CDC42BPG: variants seen among roughly 807,000 people sequenced by gnomAD.
CDC42BPG encodes the protein serine/threonine-protein kinase MRCK gamma.
In CDC42BPG, 157 loss-of-function variants were observed where a neutral mutation model predicts 192.2. The ratio of observed to expected loss-of-function variants is 0.82; its 90% CI spans 0.72 to 0.93. The LOEUF is 0.93. CDC42BPG is among the 40% of genes least tolerant of loss of function. The pLI, the probability that CDC42BPG is intolerant of heterozygous loss-of-function variation, is 0.00. For missense variants in CDC42BPG, 1,992 were observed against 2,122.1 expected, an observed-to-expected ratio of 0.94 and a Z score of 1.20; for synonymous variants, 981 against 918.5, an observed-to-expected ratio of 1.07 and a Z score of -1.23.
Position 64,835,518 on chromosome 11 carries a change from T to G in CDC42BPG, c.1862A>C (p.Glu621Ala), listed in dbSNP as rs1344066362. The change falls in exon 15 of 37, where the codon GAG becomes GCG. Residue 621 changes from glutamate to alanine, a missense_variant. By Grantham distance (107) the Glu-to-Ala change is moderately radical. Transcript: ENST00000342711. ...KEVAALREQLEQAHSHRPSGK... is the reference protein window; with the variant it reads ...KEVAALREQLAQAHSHRPSGK... Reference sequence around the variant, plus strand: ...GGCTCACCTGTGGCTGTGGGCCTGCTCCAGCTGCTCTCGCAGGGCGGCCAC... The same window carrying G: ...GGCTCACCTGTGGCTGTGGGCCTGCGCCAGCTGCTCTCGCAGGGCGGCCAC... 6.3e-7 allele frequency: 1 copy of G among 1,598,348 alleles called. No homozygotes were observed. Among genetic ancestry groups the G allele is most frequent in the African/African-American group, 1.3e-5 (1 of 74,786 alleles).
chr11:64,826,629 G>T, intron 35 of CDC42BPG, 42 bp downstream of exon 35: 1 of 1,586,378 alleles, frequency 6.3e-7, no homozygotes, highest in Non-Finnish European at 8.6e-7. Context: ...TAGAAACTTG[G>T]GGTGGGGGGT....
rs559419981 is a variant in CDC42BPG, at chr11:64,834,543, A to C, written c.2210T>G (p.Met737Arg). ...CAGCTCCAGCCTGGCCGAGGCCTCC[A>C]TCTTCTGCAGTCGCCGCGCCTTCCA... Reference protein sequence around the residue: ...HQWKARRLQKMEASARLELQS... With the variant: ...HQWKARRLQKREASARLELQS... The change falls in exon 19 of 37, where the codon ATG becomes AGG. Residue 737 changes from methionine to arginine, a missense_variant. Met to Arg is a moderately conservative substitution (Grantham distance 91). Transcript: ENST00000342711. 1 of 1,586,860 alleles carries C rather than the reference A, an allele frequency of 6.3e-7. No homozygotes were observed. Among genetic ancestry groups the C allele is most frequent in the South Asian group, 1.1e-5 (1 of 88,628 alleles).
chr11:64,835,027 G>T lies in CDC42BPG; in HGVS notation c.2060+20C>A. 3.8e-6 allele frequency: 2 copies of T among 526,710 alleles called. No homozygotes were observed. 32.6% of individuals were successfully genotyped at this position (526,710 alleles called of 1,614,324 possible). ...CAGTCTCGCCTGCGTTCCCCACCCC[G>T]ACCCACCCCTGGCACCCACCAGCTG... On this transcript the variant is annotated intron_variant, in intron 17 of 36. Transcript: ENST00000342711.
rs764628281 is a variant in CDC42BPG, at chr11:64,829,720, C to T, written c.3718G>A (p.Val1240Met). The T allele has an allele frequency of 1.9e-6, 3 of 1,609,954 alleles. No homozygotes were observed. The highest frequency in any genetic ancestry group is 2.5e-6 in the Non-Finnish European group (3 of 1,178,814). Residue 1240 changes from valine to methionine, a missense_variant, in exon 30 of 37, where the codon GTG becomes ATG. Around this residue, in one of 2 missense-constraint regions of CDC42BPG, gnomAD observed 1,656 missense variants for 1,844.3 expected, o/e 0.90. Transcript: ENST00000342711. ...SLGLLGDRLCVGAAGGFALYP... is the reference protein window; with the variant it reads ...SLGLLGDRLCMGAAGGFALYP... ...AGTGCAAAGCCACCGGCGGCGCCCA[C>T]ACATAGCCGGTCGCCCAGCAGCCCC... is the stretch of plus-strand genomic sequence containing the variant.
At position 64,829,689 on chromosome 11, in the gene CDC42BPG, G is replaced by C. The variant is rs776399269; in HGVS notation, c.3749C>G (p.Pro1250Arg). Residue 1250 changes from proline (P) to arginine (R), a missense_variant, in exon 30 of 37, where the codon CCG (proline) becomes CGG (arginine). Transcript: ENST00000342711. The stretch of plus-strand genomic sequence containing the variant: ...CAACGGCGCAGCCTCGTTGAGCAGC[G>C]GGTAGAGTGCAAAGCCACCGGCGGC... ...VGAAGGFALY[P>R]LLNEAAPLAL... 6.8e-6 allele frequency: 11 copies of C among 1,611,576 alleles called. No individual in the cohort carries two copies. The highest frequency in any genetic ancestry group is 7.6e-6 in the Non-Finnish European group (9 of 1,179,444).
Position 64,833,914 on chromosome 11 carries a change from C to T in CDC42BPG, c.2466+11G>A. The T allele has an allele frequency of 2.5e-6, 4 of 1,614,246 alleles. No individual in the cohort carries two copies. Among genetic ancestry groups the T allele is most frequent in the Non-Finnish European group, 3.4e-6 (4 of 1,180,036 alleles). On this transcript the variant is annotated intron_variant, in intron 21 of 36. Coordinates refer to ENST00000342711, the MANE Select transcript of CDC42BPG (RefSeq NM_017525.3). ...ACTTCTCCCCAACAAGCCCCTTGGC[C>T]TGGTCCTTACCTCTGAGCTCCGGAA... is the stretch of plus-strand genomic sequence containing the variant.
In CDC42BPG at chr11:64,835,349, G is replaced by A. The variant is rs1015957428; in HGVS notation, c.1951C>T (p.Arg651Trp). 1.5e-5 allele frequency: 25 copies of A among 1,613,924 alleles called. No individual in the cohort carries two copies. The highest frequency in any genetic ancestry group is 5.0e-5 in the Admixed American group (3 of 60,018). The stretch of plus-strand genomic sequence containing the variant: ...TCCGTCTGTTGTACCCTGCTCACCC[G>A]CTCCTGCTCCCGGCTCAGCCTCCGG... ...ENRRLSREQE[R>W]LEAELAQEQE... The change falls in exon 16 of 37, where the codon CGG becomes TGG. Residue 651 changes from arginine (R) to tryptophan (W), a missense_variant and splice_region_variant. Transcript: ENST00000342711.
At position 64,830,033 on chromosome 11, in the gene CDC42BPG, C is replaced by T. The variant is rs1241307343; in HGVS notation, c.3405G>A (p.Gln1135=). The T allele has an allele frequency of 6.2e-7, 1 of 1,612,382 alleles. No homozygotes were observed. The highest frequency in any genetic ancestry group is 8.5e-7 in the Non-Finnish European group (1 of 1,179,342). Reference sequence around the variant, plus strand: ...GGCCTGCACTGGGGCTCAAGGTCAGCTGCTGCACGCGCCGGCACTCCCCCA... The same window carrying T: ...GGCCTGCACTGGGGCTCAAGGTCAGTTGCTGCACGCGCCGGCACTCCCCCA... ...FQVGECRRVQ[Q]LTLSPSAGLL... Residue 1135 remains glutamine (Q), a synonymous_variant, in exon 30 of 37, where the codon CAG becomes CAA. Coordinates refer to ENST00000342711, the MANE Select transcript of CDC42BPG (RefSeq NM_017525.3).
Position 64,838,165 on chromosome 11 carries a change from G to A in CDC42BPG, c.1126-3C>T. The A allele has an allele frequency of 1.3e-6, 2 of 1,550,890 alleles. No homozygotes were observed. The highest frequency in any genetic ancestry group is 1.4e-5 in the African/African-American group (1 of 73,290). On this transcript the variant is annotated splice_region_variant and splice_polypyrimidine_tract_variant and intron_variant, in intron 8 of 36. Transcript: ENST00000342711. ...TGGGAGGGCGGTGGCAGGGTCCCCT[G>A]CAGAGGGAGAGGGAAGGAGAGTCAG...
chr11:64,841,191 G>A (rs1448537463), intron 3 of CDC42BPG, among the ~76,000 whole-genome samples: 3 of 151,682 alleles, frequency 2.0e-5, no homozygotes, highest in African/African-American at 7.3e-5. Context: ...GGTGGTTCAC[G>A]CCTGTAATCC....
At chr11:64,841,347 G>A (rs1342144258) in intron 3 of CDC42BPG, among the ~76,000 whole-genome samples, 1 of 151,870 alleles carries the variant, frequency 6.6e-6, no homozygotes, top group Non-Finnish European at 1.5e-5. Flanking sequence ...CAGCTACTCG[G>A]GAGGCTGAGG....
intron 1 of CDC42BPG, 89 bp downstream of exon 1, chr11:64,844,321 G>T: frequency 8.3e-7 from 1 of 1,210,328 alleles, no homozygotes. Context: ...CCGTGGGGGT[G>T]CGGGTCCCTG....
rs1443540532 is a variant in CDC42BPG at position 64,835,746 on chromosome 11, G to A, written c.1758+16C>T. 1.2e-6 allele frequency: 2 copies of A among 1,613,184 alleles called. No individual in the cohort carries two copies. The highest frequency in any genetic ancestry group is 1.7e-6 in the Non-Finnish European group (2 of 1,179,624). ...GGTGGGGAAGCACCTCTTGCCAAGG[G>A]GGAGGACTTGACTACCTTGGCCTGG... On this transcript the variant is annotated intron_variant, in intron 14 of 36. Coordinates refer to ENST00000342711, the MANE Select transcript of CDC42BPG (RefSeq NM_017525.3).
rs1196332105 is a variant in CDC42BPG at position 64,833,785 on chromosome 11, C to T, written c.2518G>A (p.Gly840Arg). The change falls in exon 22 of 37, where the codon GGA becomes AGA. Residue 840 changes from glycine (G) to arginine (R), a missense_variant. By Grantham distance (125) the Gly-to-Arg change is moderately radical. Around this residue, in one of 2 missense-constraint regions of CDC42BPG, gnomAD observed 1,656 missense variants for 1,844.3 expected, o/e 0.90. Transcript: ENST00000342711. Reference protein sequence around the residue: ...GISGEATRHGGEPDLRPEGRR... With the variant: ...GISGEATRHGREPDLRPEGRR... ...CCCTCCGGCCTCAGATCTGGCTCTC[C>T]TCCATGCCTTGTGGCCTCTCCTGAG... The T allele has an allele frequency of 1.2e-6, 2 of 1,614,132 alleles. No individual in the cohort carries two copies. The highest frequency in any genetic ancestry group is 1.7e-6 in the Non-Finnish European group (2 of 1,180,052).
intron 9 of CDC42BPG, 102 bp from the exon 10 acceptor site, chr11:64,837,121 A>G: frequency 2.9e-6 from 3 of 1,028,310 alleles, no homozygotes; most frequent in South Asian, 2.6e-5. Context: ...AAACAGCCAA[A>G]ACAGACCCTG....
At chr11:64,833,701 G>C (rs1222150067) in intron 22 of CDC42BPG, 37 bp downstream of exon 22, 1 of 1,613,050 alleles carries the variant, frequency 6.2e-7, no homozygotes, top group Admixed American at 1.7e-5. Flanking sequence ...GCAAGGGCGG[G>C]GCCCAGGCCC....
At chr11:64,837,116 G>A in intron 9 of CDC42BPG, 97 bp from the exon 10 acceptor site, 1 of 1,081,514 alleles carries the variant, frequency 9.2e-7, no homozygotes, top group East Asian at 2.4e-5. Flanking sequence ...TTGTGAAACA[G>A]CCAAAACAGA....
At chr11:64,828,932 C>T (rs952882352) in intron 30 of CDC42BPG, among the ~76,000 whole-genome samples, 1 of 152,132 alleles carries the variant, frequency 6.6e-6, no homozygotes, top group Non-Finnish European at 1.5e-5. Context: ...CACCTGTAGT[C>T]CCAGCTACTA....
chr11:64,839,177 C>T lies in CDC42BPG; in HGVS notation c.732G>A (p.Gln244=), dbSNP rs762916381. Residue 244 remains glutamine, a synonymous_variant, in exon 7 of 37, where the codon CAG becomes CAA. Transcript: ENST00000342711. Reference sequence around the variant, plus strand: ...AGTGGCCCTTGCCCTCCTCCATGGCCTGCAGGATCTCAGGGGAGATATAGT... The same window carrying T: ...AGTGGCCCTTGCCCTCCTCCATGGCTTGCAGGATCTCAGGGGAGATATAGT... ...TPDYISPEIL[Q]AMEEGKGHYG... 5.6e-6 allele frequency: 9 copies of T among 1,613,430 alleles called. No homozygotes were observed. The highest frequency in any genetic ancestry group is 7.6e-6 in the Non-Finnish European group (9 of 1,180,048).
Sources: gnomAD v4.1 joint callset for allele counts (sites outside exome capture counted in the v4.1 genomes callset) on GRCh38, gnomAD v4.1.1 for gene constraint, gnomAD v4.1.1 regional missense constraint, MANE v1.5 for transcripts, NCBI Gene and HGNC (gene_info 2026-07-23, HGNC 2026-07-21) for gene names.